Variants in NALF1 observed in about 807,000 individuals in gnomAD.
The protein encoded by NALF1 is NALCN channel auxiliary factor 1, also known as family with sequence similarity 155 member A.
NALF1 carries 3 observed loss-of-function variants against 48.4 expected under a neutral mutation model. That is an observed-to-expected ratio of 0.06 (90% CI 0.03 to 0.16). The LOEUF (loss-of-function observed/expected upper bound fraction) is 0.16, where lower values mean the gene tolerates loss of function less well. Ranked by LOEUF, NALF1 falls within the 10% of genes least tolerant of loss-of-function variation. The probability of loss-of-function intolerance (pLI) is 1.00; values close to 1 mark genes in which losing one functional copy is unlikely to be tolerated. For missense variants in NALF1, 526 were observed against 571.5 expected (o/e 0.92, Z 0.81); for synonymous variants, 262 against 245.7 (o/e 1.07, Z -0.62).
At chr13:107,807,498 G>T (rs933722504) in intron 1 of NALF1, among the ~76,000 whole-genome samples, 2 of 152,182 alleles carry the variant, frequency 1.3e-5, no homozygotes, top group African/African-American at 2.4e-5. Context: ...GCCAGTAGAT[G>T]GCTGCCAGCC....
In NALF1 at chr13:107,639,407, A is replaced by G. The variant is rs138821003; in HGVS notation, c.915+226275T>C. Among the ~76,000 whole-genome samples, 863 of 152,246 alleles carry G rather than the reference A, an allele frequency of 5.7e-3. 7 individuals carry two copies. Among genetic ancestry groups the G allele is most frequent in the African/African-American group, 0.02 (811 of 41,540 alleles). On this transcript the variant is annotated intron_variant, in intron 1 of 2. Coordinates refer to ENST00000375915, the MANE Select transcript of NALF1 (RefSeq NM_001080396.3). ...GATAGTTCTGTAGACACTCCATGCC[A>G]TGCACGCATTTGCTCATAGTATTTA...
At chr13:107,470,979 T>C (rs1382073781) in intron 1 of NALF1, among the ~76,000 whole-genome samples, 2 of 152,212 alleles carry the variant, frequency 1.3e-5, no homozygotes, top group African/African-American at 2.4e-5. Context: ...AACTGGTTTA[T>C]GATTGAGCAA....
chr13:107,659,067 T>C (rs1880658251), intron 1 of NALF1, among the ~76,000 whole-genome samples: 1 of 151,430 alleles, frequency 6.6e-6, no homozygotes, highest in East Asian at 2.0e-4. Context: ...AAGTATTTTA[T>C]TTGGAATACC....
intron 1 of NALF1, among the ~76,000 whole-genome samples, chr13:107,551,116 C>A (rs1324301370): frequency 6.6e-6 from 1 of 152,084 alleles, no homozygotes; most frequent in African/African-American, 2.4e-5. Flanking sequence ...TTCTCTCTCT[C>A]TGGTCGTACT....
intron 1 of NALF1, among the ~76,000 whole-genome samples, chr13:107,502,075 TAAG>T: frequency 6.6e-6 from 1 of 152,242 alleles, no homozygotes; most frequent in South Asian, 2.1e-4. Context: ...CCTGTTTCAT[TAAG>T]GTCAAGAATA....
chr13:107,850,413 T>C (rs938520503), intron 1 of NALF1, among the ~76,000 whole-genome samples: 16 of 152,232 alleles, frequency 1.1e-4, no homozygotes, highest in Non-Finnish European at 1.9e-4. Context: ...AAAGCAGTCA[T>C]AGTATTATAC....
intron 1 of NALF1, among the ~76,000 whole-genome samples, chr13:107,584,235 T>C (rs537831761): frequency 2.0e-5 from 3 of 152,290 alleles, no homozygotes; most frequent in Non-Finnish European, 4.4e-5. Flanking sequence ...GATTAATACG[T>C]ACCTGATACA....
chr13:107,856,070 A>G (rs1455649739), intron 1 of NALF1, among the ~76,000 whole-genome samples: 6 of 152,086 alleles, frequency 3.9e-5, no homozygotes, highest in Non-Finnish European at 5.9e-5. Context: ...TGCCCGGCTA[A>G]TTTTTAAAAA....
chr13:107,814,018 A>G (rs1879086441), intron 1 of NALF1, among the ~76,000 whole-genome samples: 1 of 152,146 alleles, frequency 6.6e-6, no homozygotes, highest in East Asian at 1.9e-4. Context: ...ACAAAGAAGG[A>G]AACTAGAGGA....
chr13:107,398,575 T>A (rs1228999989), intron 1 of NALF1, among the ~76,000 whole-genome samples: 2 of 152,264 alleles, frequency 1.3e-5, no homozygotes, highest in African/African-American at 4.8e-5. Context: ...AGGTTGGAAA[T>A]TGATTTTTTT....
At chr13:107,806,594 A>T (rs1352395174) in intron 1 of NALF1, among the ~76,000 whole-genome samples, 2 of 152,126 alleles carry the variant, frequency 1.3e-5, no homozygotes, top group African/African-American at 4.8e-5. Flanking sequence ...ATGTCTATAC[A>T]TAAGGTTGAT....
chr13:107,209,006 T>C (rs1879700415), intron 2 of NALF1, among the ~76,000 whole-genome samples: 1 of 152,228 alleles, frequency 6.6e-6, no homozygotes, highest in Non-Finnish European at 1.5e-5. Context: ...GCAACGGCTA[T>C]GGCTGGTCAA....
chr13:107,659,348 G>A (rs1006430228), intron 1 of NALF1, among the ~76,000 whole-genome samples: 10 of 152,040 alleles, frequency 6.6e-5, no homozygotes, highest in East Asian at 1.9e-4. Context: ...CCTTATCAGT[G>A]GAGTGTCTTC....
intron 1 of NALF1, among the ~76,000 whole-genome samples, chr13:107,756,706 C>T (rs1877108505): frequency 6.6e-6 from 1 of 152,150 alleles, no homozygotes; most frequent in East Asian, 1.9e-4. Context: ...CGTCATGGGT[C>T]GGAGGCCATC....
chr13:107,171,855 G>C (rs1878812053), intron 2 of NALF1, among the ~76,000 whole-genome samples: 1 of 152,180 alleles, frequency 6.6e-6, no homozygotes. Flanking sequence ...TAAAAATGGG[G>C]ATAATAGTAG....
At chr13:107,554,580 C>G (rs935437601) in intron 1 of NALF1, among the ~76,000 whole-genome samples, 2 of 152,142 alleles carry the variant, frequency 1.3e-5, no homozygotes, top group African/African-American at 4.8e-5. Flanking sequence ...TGAGAGAGAA[C>G]GGAAGCCCAG....
intron 1 of NALF1, among the ~76,000 whole-genome samples, chr13:107,234,129 C>A (rs1880287616): frequency 6.6e-6 from 1 of 152,136 alleles, no homozygotes; most frequent in Non-Finnish European, 1.5e-5. Flanking sequence ...ATTCTAAACT[C>A]CAGCACAATT....
At chr13:107,720,515 A>AAAT (rs1875953242) in intron 1 of NALF1, among the ~76,000 whole-genome samples, 1 of 150,972 alleles carries the variant, frequency 6.6e-6, no homozygotes, top group South Asian at 2.1e-4. Flanking sequence ...CATCTCAAAA[A>AAAT]AAAAAAAAAA....
At chr13:107,229,218 T>A (rs147358652) in intron 1 of NALF1, among the ~76,000 whole-genome samples, 2 of 152,170 alleles carry the variant, frequency 1.3e-5, no homozygotes, top group Non-Finnish European at 2.9e-5. Context: ...ATATTCATTT[T>A]GGATTTCATT....
Sources: allele counts gnomAD v4.1 joint callset (sites outside exome capture counted in the v4.1 genomes callset), GRCh38; gene constraint gnomAD v4.1.1; transcripts MANE v1.5; gene names NCBI Gene and HGNC (gene_info 2026-07-23, HGNC 2026-07-21).